OPRM1: variants seen among roughly 807,000 people sequenced by gnomAD.
The protein encoded by OPRM1 is mu-type opioid receptor.
A neutral mutation model predicts 31.8 loss-of-function variants in OPRM1; 27 were observed. That is an observed-to-expected ratio of 0.85 (90% CI 0.63 to 1.17). OPRM1 has a LOEUF of 1.17. Ranked by LOEUF, OPRM1 falls within the 50% of genes most tolerant of loss-of-function variation. The probability of loss-of-function intolerance (pLI) is 0.00; values close to 1 mark genes in which losing one functional copy is unlikely to be tolerated. For missense variants in OPRM1, 536 were observed against 511.1 expected (o/e 1.05, Z -0.47); for synonymous variants, 196 against 189.9 (o/e 1.03, Z -0.26).
chr6:154,219,632 T>C (rs557038036), intron 3 of OPRM1, among the ~76,000 whole-genome samples: 3 of 151,910 alleles, frequency 2.0e-5, no homozygotes, highest in Non-Finnish European at 2.9e-5. Flanking sequence ...TAGCAACTGA[T>C]GCAAATAAAA....
chr6:154,222,234 C>T (rs751043807), intron 3 of OPRM1, among the ~76,000 whole-genome samples: 9 of 152,220 alleles, frequency 5.9e-5, no homozygotes, highest in Non-Finnish European at 8.8e-5. Flanking sequence ...ACCCTTTAGG[C>T]AGGAAGTCCT....
At chr6:154,189,797 T>C (rs1191891134) in intron 3 of OPRM1, among the ~76,000 whole-genome samples, 2 of 151,978 alleles carry the variant, frequency 1.3e-5, no homozygotes, top group African/African-American at 4.8e-5. Context: ...GGTGAAACCC[T>C]GTCTCTACTA....
chr6:154,145,430 A>G (rs1275069789), intron 3 of OPRM1, among the ~76,000 whole-genome samples: 4 of 152,262 alleles, frequency 2.6e-5, no homozygotes, highest in African/African-American at 9.6e-5. Context: ...AAAATGAAAT[A>G]GGTGTTAATC....
At chr6:154,159,717 T>C in intron 3 of OPRM1, 1 of 775,108 alleles carries the variant, frequency 1.3e-6, no homozygotes, top group Non-Finnish European at 2.1e-6. Flanking sequence ...GGGAAGCTGA[T>C]GCTTGAAGGA....
At chr6:154,160,060 G>T in intron 3 of OPRM1, 1 of 1,571,018 alleles carries the variant, frequency 6.4e-7, no homozygotes, top group Non-Finnish European at 8.7e-7. Context: ...TAGAAAAAAA[G>T]GGGAAGGGGG....
chr6:154,157,359 G>A (rs373070750), intron 3 of OPRM1: 13 of 152,288 alleles, frequency 8.5e-5, no homozygotes, highest in African/African-American at 3.1e-4. Flanking sequence ...AGCAGGCAAT[G>A]GGGCTCCAGA....
chr6:154,063,423 T>G (rs1215716914), intron 1 of OPRM1, among the ~76,000 whole-genome samples: 1 of 152,038 alleles, frequency 6.6e-6, no homozygotes, highest in African/African-American at 2.4e-5. Flanking sequence ...TTATTAAATT[T>G]AAATATGAAT....
chr6:154,135,649 A>G (rs966632518), downstream of OPRM1, among the ~76,000 whole-genome samples: 1 of 152,188 alleles, frequency 6.6e-6, no homozygotes, highest in Non-Finnish European at 1.5e-5. Context: ...TGAAAAGGCT[A>G]TATAAAAGGC....
At position 154,124,294 on chromosome 6, in the gene OPRM1, G is replaced by A. The variant is rs1188088957; in HGVS notation, c.*5573G>A. 1.3e-5 allele frequency among the ~76,000 whole-genome samples: 2 copies of A among 152,192 alleles called. No individual in the cohort carries two copies. Among genetic ancestry groups the A allele is most frequent in the African/African-American group, 4.8e-5 (2 of 41,442 alleles). On this transcript the variant is annotated 3_prime_UTR_variant, in exon 4 of 4. Transcript: ENST00000330432. ...AAAAGATTATTCTAGACCTTAGGCA[G>A]ATATTCAGAGAAAGATCAGTTTTCT...
chr6:154,135,492 T>TAGATAC, downstream of OPRM1, among the ~76,000 whole-genome samples: 1 of 137,472 alleles, frequency 7.3e-6, no homozygotes, highest in Middle Eastern at 3.6e-3. Flanking sequence ...TAGATAGATA[T>TAGATAC]AGATATAGAT....
At chr6:154,024,443 G>C (rs552847547) in intron 1 of OPRM1, among the ~76,000 whole-genome samples, 1 of 151,648 alleles carries the variant, frequency 6.6e-6, no homozygotes, top group South Asian at 2.1e-4. Context: ...TTCTTAGTTA[G>C]TCTGGCTAAA....
At chr6:154,239,349 G>A (rs1238027020) in intron 3 of OPRM1, among the ~76,000 whole-genome samples, 3 of 152,110 alleles carry the variant, frequency 2.0e-5, no homozygotes. Context: ...GAAAATAATT[G>A]TTAGAACACA....
At chr6:154,192,041 A>T (rs969007801) in intron 3 of OPRM1, among the ~76,000 whole-genome samples, 21 of 152,222 alleles carry the variant, frequency 1.4e-4, no homozygotes, top group African/African-American at 4.8e-4. Context: ...CTATAAAACA[A>T]TGAAAATGAA....
At chr6:154,238,785 A>G (rs547854276) in intron 3 of OPRM1, among the ~76,000 whole-genome samples, 13 of 152,148 alleles carry the variant, frequency 8.5e-5, no homozygotes, top group Admixed American at 8.5e-4. Context: ...GCCTCAAGTG[A>G]TCCTCCCATC....
chr6:154,020,712 T>C (rs1001738923), intron 1 of OPRM1, among the ~76,000 whole-genome samples: 9 of 152,194 alleles, frequency 5.9e-5, no homozygotes, highest in Non-Finnish European at 1.0e-4. Flanking sequence ...GTGGTGGTCA[T>C]GTTTTGCTTT....
At chr6:154,141,807 A>G (rs2128538218) in intron 3 of OPRM1, among the ~76,000 whole-genome samples, 2 of 152,340 alleles carry the variant, frequency 1.3e-5, no homozygotes, top group South Asian at 4.1e-4. Flanking sequence ...CTCAGTGAGT[A>G]AAAGGATGAC....
chr6:154,090,680 T>G (rs1020008308), intron 2 of OPRM1, among the ~76,000 whole-genome samples: 2 of 152,200 alleles, frequency 1.3e-5, no homozygotes, highest in African/African-American at 2.4e-5. Flanking sequence ...AGGATCTAGC[T>G]CATGTTGAGA....
chr6:154,238,436 T>C lies in OPRM1; in HGVS notation c.1165-8257T>C, dbSNP rs1780314161. On this transcript the variant is annotated intron_variant, in intron 3 of 3. Transcript: ENST00000337049. ...ATACTGGGCTAATTTTGTATATATA[T>C]ATATATTTTAATACAGACAGGGTTT... 2.0e-5 allele frequency among the ~76,000 whole-genome samples: 3 copies of C among 152,002 alleles called. No individual in the cohort carries two copies. The South Asian group carries it at 6.2e-4, about 31-fold the overall frequency.
intron 1 of OPRM1, among the ~76,000 whole-genome samples, chr6:154,061,407 A>G (rs495491): frequency 0.33 from 50,098 of 151,938 alleles, 9,420 homozygotes; most frequent in African/African-American, 0.52. Flanking sequence ...GGAGAGATAT[A>G]TCTCACTGTA....
Sources: gnomAD v4.1 joint callset for allele counts (sites outside exome capture counted in the v4.1 genomes callset) on GRCh38, gnomAD v4.1.1 for gene constraint, MANE v1.5 for transcripts, NCBI Gene and HGNC (gene_info 2026-07-23, HGNC 2026-07-21) for gene names.